ST3GAL3: variants seen among roughly 807,000 people sequenced by gnomAD.
The protein encoded by ST3GAL3 is ST3 beta-galactoside alpha-2,3-sialyltransferase 3.
Under a neutral mutation model 50.1 loss-of-function variants are expected in ST3GAL3, and 21 were observed. That is an observed-to-expected ratio of 0.42 (90% CI 0.30 to 0.60). The LOEUF (loss-of-function observed/expected upper bound fraction) is 0.60, where lower values mean the gene tolerates loss of function less well. ST3GAL3 is among the 20% of genes least tolerant of loss of function. The probability of loss-of-function intolerance (pLI) is 0.19; values close to 1 mark genes in which losing one functional copy is unlikely to be tolerated. For missense variants in ST3GAL3, 353 were observed against 489.4 expected (o/e 0.72, Z 2.63); for synonymous variants, 183 against 190.0 (o/e 0.96, Z 0.30).
rs141644235 is a variant in ST3GAL3 at position 43,778,308 on chromosome 1, T to G, written c.119-13794T>G. Reference sequence around the variant, plus strand: ...GGAGAGCATCAGGAAGAATAGCTAATGGATGCTGGGCTTAATACCTAGGTG... The same window carrying G: ...GGAGAGCATCAGGAAGAATAGCTAAGGGATGCTGGGCTTAATACCTAGGTG... On this transcript the variant is annotated intron_variant, in intron 2 of 11. Coordinates refer to ENST00000347631, the MANE Select transcript of ST3GAL3 (RefSeq NM_006279.5). 9.2e-3 allele frequency among the ~76,000 whole-genome samples: 1,408 copies of G among 152,282 alleles called. 27 individuals are homozygous for G. Among genetic ancestry groups the G allele is most frequent in the African/African-American group, 0.033 (1,375 of 41,548 alleles).
chr1:43,782,264 A>G (rs771296145), intron 2 of ST3GAL3, among the ~76,000 whole-genome samples: 1 of 151,852 alleles, frequency 6.6e-6, no homozygotes, highest in Non-Finnish European at 1.5e-5. Flanking sequence ...CAGTTTCCCA[A>G]TCCTGTCCAT....
intron 1 of ST3GAL3, among the ~76,000 whole-genome samples, chr1:43,719,415 A>G (rs1669176944): frequency 6.6e-6 from 1 of 151,238 alleles, no homozygotes; most frequent in African/African-American, 2.4e-5. Flanking sequence ...TAATACTAGC[A>G]CTTTGGGAGG....
intron 2 of ST3GAL3, among the ~76,000 whole-genome samples, chr1:43,751,420 G>A (rs1686020176): frequency 6.6e-6 from 1 of 152,096 alleles, no homozygotes; most frequent in African/African-American, 2.4e-5. Flanking sequence ...TATATGTACA[G>A]GTGTGCACAT....
intron 3 of ST3GAL3, among the ~76,000 whole-genome samples, chr1:43,813,257 C>G (rs1040468357): frequency 6.6e-6 from 1 of 152,158 alleles, no homozygotes; most frequent in Non-Finnish European, 1.5e-5. Context: ...GGGTTTTCAC[C>G]ATACAGGGAA....
intron 5 of ST3GAL3, among the ~76,000 whole-genome samples, chr1:43,872,360 G>C (rs536144239): frequency 1.3e-4 from 19 of 150,318 alleles, no homozygotes; most frequent in African/African-American, 3.2e-4. Flanking sequence ...GGGGTGTGAG[G>C]GGGGAGGACT....
intron 2 of ST3GAL3, chr1:43,743,349 T>A: frequency 5.1e-6 from 1 of 195,916 alleles, no homozygotes; most frequent in Non-Finnish European, 1.0e-5. Flanking sequence ...GAGAGGCTGC[T>A]GCTGGTGCTG....
chr1:43,726,881 A>G lies in ST3GAL3; in HGVS notation c.-30-9352A>G, dbSNP rs1246871333. 2.0e-5 allele frequency among the ~76,000 whole-genome samples: 3 copies of G among 152,174 alleles called. No individual in the cohort carries two copies. The East Asian group carries it at 5.8e-4, about 29-fold the overall frequency. On this transcript the variant is annotated intron_variant, in intron 1 of 11. Coordinates refer to ENST00000347631, the MANE Select transcript of ST3GAL3 (RefSeq NM_006279.5). ...AGTGCTGGGATTACAGGTGTAAGCC[A>G]TTGTTTCTGGCCCTGTATCCCATTT...
intron 5 of ST3GAL3, chr1:43,894,122 C>T: frequency 2.0e-6 from 1 of 498,456 alleles, no homozygotes; most frequent in South Asian, 2.0e-5. Flanking sequence ...TTGATCCTTG[C>T]TGAACAAATC....
intron 5 of ST3GAL3, among the ~76,000 whole-genome samples, chr1:43,857,103 C>A (rs2068547910): frequency 6.6e-6 from 1 of 152,192 alleles, no homozygotes; most frequent in Non-Finnish European, 1.5e-5. Flanking sequence ...TACATTGTTT[C>A]TCCTACCCCA....
chr1:43,894,476 A>G lies in ST3GAL3; in HGVS notation c.396A>G (p.Gln132=), dbSNP rs1558764772. ...TGCCGCCTTTTGGGATCAAAGGTCA[A>G]GGTATGTTGGGAACCCTGACCTACA... ...EFVPPFGIKG[Q]DNLIKAILSV... The change falls in exon 6 of 12, where the codon CAA becomes CAG. Residue 132 remains glutamine, a splice_region_variant and synonymous_variant. Coordinates refer to ENST00000347631, the MANE Select transcript of ST3GAL3 (RefSeq NM_006279.5). The G allele has an allele frequency of 2.5e-6, 4 of 1,614,032 alleles. No homozygotes were observed. Among genetic ancestry groups the G allele is most frequent in the Non-Finnish European group, 3.4e-6 (4 of 1,179,908 alleles).
chr1:43,801,110 G>T (rs2059265456), intron 3 of ST3GAL3, among the ~76,000 whole-genome samples: 1 of 152,196 alleles, frequency 6.6e-6, no homozygotes, highest in Non-Finnish European at 1.5e-5. Flanking sequence ...ATGTGGCTTT[G>T]TGAATTATAA....
chr1:43,875,425 T>G (rs2073867716), intron 5 of ST3GAL3, among the ~76,000 whole-genome samples: 1 of 152,030 alleles, frequency 6.6e-6, no homozygotes, highest in African/African-American at 2.4e-5. Context: ...CAGGCCTGCC[T>G]TGGAGTTTAC....
chr1:43,874,855 A>G (rs891696113), intron 5 of ST3GAL3, among the ~76,000 whole-genome samples: 5 of 152,208 alleles, frequency 3.3e-5, no homozygotes, highest in African/African-American at 9.6e-5. Context: ...TGTAGAGAGA[A>G]AAGAGAAAGT....
chr1:43,725,889 C>A (rs1672717144), intron 1 of ST3GAL3, among the ~76,000 whole-genome samples: 1 of 152,160 alleles, frequency 6.6e-6, no homozygotes, highest in Non-Finnish European at 1.5e-5. Context: ...AAGTGATGTG[C>A]CTGCCTTAGC....
intron 2 of ST3GAL3, among the ~76,000 whole-genome samples, chr1:43,745,002 A>G (rs547852483): frequency 3.6e-4 from 54 of 151,152 alleles, no homozygotes; most frequent in African/African-American, 1.0e-3. Context: ...AAAAAAAGAA[A>G]AAAGAAAGAA....
intron 11 of ST3GAL3, among the ~76,000 whole-genome samples, chr1:43,923,676 T>C (rs763799978): frequency 7.2e-5 from 11 of 152,018 alleles, no homozygotes; most frequent in Non-Finnish European, 1.6e-4. Context: ...AGTGCAGTGG[T>C]GTGATGATAG....
chr1:43,751,024 A>G (rs1685861612), intron 2 of ST3GAL3, among the ~76,000 whole-genome samples: 2 of 152,228 alleles, frequency 1.3e-5, no homozygotes, highest in Admixed American at 6.5e-5. Context: ...ATATATATAA[A>G]GAGCTTGTAT....
chr1:43,745,204 G>A (rs538482123), intron 2 of ST3GAL3, among the ~76,000 whole-genome samples: 11 of 152,060 alleles, frequency 7.2e-5, no homozygotes, highest in Non-Finnish European at 1.6e-4. Context: ...ACAACTAATT[G>A]TTTAAAGCAA....
chr1:43,786,947 A>G (rs1354998813), intron 2 of ST3GAL3, among the ~76,000 whole-genome samples: 1 of 152,234 alleles, frequency 6.6e-6, no homozygotes, highest in Non-Finnish European at 1.5e-5. Context: ...TTGGCTGAAG[A>G]TAAGTATACC....
Sources: gnomAD v4.1 joint callset for allele counts (sites outside exome capture counted in the v4.1 genomes callset) on GRCh38, gnomAD v4.1.1 for gene constraint, MANE v1.5 for transcripts, NCBI Gene and HGNC (gene_info 2026-07-23, HGNC 2026-07-21) for gene names.